MAPK10: variants seen among roughly 807,000 people sequenced by gnomAD.
MAPK10 encodes JNK3 alpha protein kinase.
MAPK10 carries 25 observed loss-of-function variants against 59.3 expected under a neutral mutation model. The observed-to-expected ratio is 0.42, with a 90% CI of 0.31 to 0.59. The LOEUF (loss-of-function observed/expected upper bound fraction) is 0.59, where lower values mean the gene tolerates loss of function less well. MAPK10 is among the 20% of genes least tolerant of loss of function. The probability of loss-of-function intolerance (pLI) is 0.15; values close to 1 mark genes in which losing one functional copy is unlikely to be tolerated. For missense variants in MAPK10, 351 were observed against 568.9 expected (o/e 0.62, Z 3.90); for synonymous variants, 190 against 200.5 (o/e 0.95, Z 0.44).
intron 1 of MAPK10, among the ~76,000 whole-genome samples, chr4:86,479,470 C>T (rs1452261451): frequency 7.7e-6 from 1 of 129,504 alleles, no homozygotes; most frequent in African/African-American, 2.8e-5. Context: ...ACTGCACCCC[C>T]CACCAAAAAA....
chr4:86,433,555 CT>C (rs574706672), intron 1 of MAPK10, among the ~76,000 whole-genome samples: 5,476 of 97,558 alleles, frequency 0.056, 41 homozygotes, highest in African/African-American at 0.098. Context: ...GGGCCTTCTT[CT>C]TTTTTTTTTT....
chr4:86,257,906 AAC>A (rs1207993515), intron 2 of MAPK10, among the ~76,000 whole-genome samples: 2 of 152,148 alleles, frequency 1.3e-5, no homozygotes, highest in African/African-American at 4.8e-5. Flanking sequence ...AGACTCCCTT[AAC>A]ACATTCTCCT....
chr4:86,277,738 G>A (rs1007974214), intron 2 of MAPK10, among the ~76,000 whole-genome samples: 2 of 152,024 alleles, frequency 1.3e-5, no homozygotes, highest in Admixed American at 6.6e-5. Context: ...TCAAACATTG[G>A]CTTATTATGA....
At chr4:86,055,232 A>AATGCCCAGATCAAGCTCTGG (rs1238162146) in intron 11 of MAPK10, among the ~76,000 whole-genome samples, 133 of 132,718 alleles carry the variant, frequency 1.0e-3, no homozygotes, top group African/African-American at 2.2e-3. Context: ...CTAACATGCT[A>AATGCCCAGATCAAGCTCTGG]AACATTACAG....
chr4:86,150,194 G>C (rs1374414333), intron 4 of MAPK10, among the ~76,000 whole-genome samples: 2 of 152,144 alleles, frequency 1.3e-5, no homozygotes, highest in Non-Finnish European at 2.9e-5. Context: ...AAGTAACATA[G>C]GAATGTTAAA....
chr4:86,355,594 T>C (rs963053426), intron 1 of MAPK10, among the ~76,000 whole-genome samples: 1 of 152,136 alleles, frequency 6.6e-6, no homozygotes, highest in African/African-American at 2.4e-5. Context: ...TTCCCAATTT[T>C]TTCTACCATA....
chr4:86,463,985 T>G (rs1465365262), intron 1 of MAPK10, among the ~76,000 whole-genome samples: 1 of 151,816 alleles, frequency 6.6e-6, no homozygotes, highest in Non-Finnish European at 1.5e-5. Context: ...CACATACTAA[T>G]TCACAGACTC....
intron 13 of MAPK10, among the ~76,000 whole-genome samples, chr4:86,022,916 CT>C (rs752684035): frequency 2.6e-5 from 4 of 152,130 alleles, no homozygotes; most frequent in Non-Finnish European, 5.9e-5. Flanking sequence ...TTGAAGGTGT[CT>C]TTTGAAGCAC....
chr4:86,547,321 G>T (rs1369023570), intron 1 of MAPK10, among the ~76,000 whole-genome samples: 1 of 152,210 alleles, frequency 6.6e-6, no homozygotes, highest in Admixed American at 6.5e-5. Flanking sequence ...GGTGTGGAGG[G>T]AGAGGCGCTG....
intron 1 of MAPK10, among the ~76,000 whole-genome samples, chr4:86,468,380 C>T (rs1752385523): frequency 6.6e-6 from 1 of 152,186 alleles, no homozygotes; most frequent in Non-Finnish European, 1.5e-5. Flanking sequence ...CAAATAATGG[C>T]TCTCCTTACT....
chr4:86,039,275 G>A (rs1361886978), intron 11 of MAPK10, among the ~76,000 whole-genome samples: 1 of 152,120 alleles, frequency 6.6e-6, no homozygotes, highest in Non-Finnish European at 1.5e-5. Context: ...AAGATGCACT[G>A]GAGAGAGAGG....
chr4:86,393,275 T>C (rs560066868), intron 1 of MAPK10, among the ~76,000 whole-genome samples: 2 of 152,320 alleles, frequency 1.3e-5, no homozygotes, highest in Admixed American at 6.5e-5. Flanking sequence ...TTCAACTCAA[T>C]TTTTGGCCAT....
intron 1 of MAPK10, among the ~76,000 whole-genome samples, chr4:86,395,993 A>G (rs895808652): frequency 6.6e-6 from 1 of 152,208 alleles, no homozygotes; most frequent in Non-Finnish European, 1.5e-5. Flanking sequence ...CACATAAAAC[A>G]CACCATTCTC....
chr4:86,471,577 G>C (rs1752667093), intron 1 of MAPK10, among the ~76,000 whole-genome samples: 1 of 152,136 alleles, frequency 6.6e-6, no homozygotes, highest in South Asian at 2.1e-4. Context: ...ATATAAAAAT[G>C]GTTGTTTCCT....
chr4:86,448,468 C>T (rs1750317125), intron 1 of MAPK10, among the ~76,000 whole-genome samples: 1 of 151,734 alleles, frequency 6.6e-6, no homozygotes, highest in Non-Finnish European at 1.5e-5. Context: ...GTAAGACTTC[C>T]TATCCAAGAA....
chr4:86,070,680 T>C lies in MAPK10; in HGVS notation c.803-2725A>G, dbSNP rs1213968712. Among the ~76,000 whole-genome samples, 8 of 151,488 alleles carry C rather than the reference T, an allele frequency of 5.3e-5. No individual in the cohort carries two copies. The South Asian group carries it at 1.5e-3, about 28-fold the overall frequency. The stretch of plus-strand genomic sequence containing the variant: ...TCTTGCAATAGTTTACTGAGAATGA[T>C]GATTTCCAGTTTCATCCATGTCCCT... On this transcript the variant is annotated intron_variant, in intron 9 of 13. Coordinates refer to ENST00000641462, the MANE Select transcript of MAPK10 (RefSeq NM_138982.4).
At chr4:86,063,461 A>C (rs1316774435) in intron 11 of MAPK10, among the ~76,000 whole-genome samples, 1 of 152,170 alleles carries the variant, frequency 6.6e-6, no homozygotes, top group African/African-American at 2.4e-5. Flanking sequence ...CTCATGTTTA[A>C]GGGAGAAGGT....
At chr4:86,364,241 CT>C (rs1737464860), upstream of MAPK10, among the ~76,000 whole-genome samples, 1 of 152,254 alleles carries the variant, frequency 6.6e-6, no homozygotes, top group South Asian at 2.1e-4. Flanking sequence ...ATTCTCCTAC[CT>C]TAGCCTCCTG....
intron 3 of MAPK10, among the ~76,000 whole-genome samples, chr4:86,179,198 T>C (rs2076351506): frequency 6.6e-6 from 1 of 151,076 alleles, no homozygotes; most frequent in Non-Finnish European, 1.5e-5. Flanking sequence ...TGACTCCATC[T>C]CAAAAATAAA....
Sources: allele counts gnomAD v4.1 joint callset (sites outside exome capture counted in the v4.1 genomes callset), GRCh38; gene constraint gnomAD v4.1.1; transcripts MANE v1.5; gene names NCBI Gene and HGNC (gene_info 2026-07-23, HGNC 2026-07-21).